CDH12: variants seen among roughly 807,000 people sequenced by gnomAD.
CDH12 encodes the protein cadherin-12.
In CDH12, 41 loss-of-function variants were observed where a neutral mutation model predicts 74.1. The observed-to-expected ratio is 0.55, with a 90% CI of 0.43 to 0.72. CDH12 has a LOEUF of 0.72. Ranked by LOEUF, CDH12 falls within the 30% of genes least tolerant of loss-of-function variation. CDH12 has a pLI of 0.00. For missense variants in CDH12, 945 were observed against 977.2 expected, an observed-to-expected ratio of 0.97 and a Z score of 0.44; for synonymous variants, 399 against 355.0, an observed-to-expected ratio of 1.12 and a Z score of -1.39.
intron 1 of CDH12, among the ~76,000 whole-genome samples, chr5:22,530,568 T>C (rs1301916542): frequency 6.6e-6 from 1 of 152,070 alleles, no homozygotes; most frequent in East Asian, 1.9e-4. Flanking sequence ...ATAATAGCTA[T>C]ATTTAATAGT....
chr5:22,319,256 CTAAT>C (rs768930358), intron 3 of CDH12, among the ~76,000 whole-genome samples: 18 of 152,154 alleles, frequency 1.2e-4, no homozygotes, highest in East Asian at 3.9e-4. Flanking sequence ...TGGCGATACT[CTAAT>C]AACAGGAGAG....
At chr5:21,864,923 G>A (rs1751248400) in intron 6 of CDH12, among the ~76,000 whole-genome samples, 1 of 152,102 alleles carries the variant, frequency 6.6e-6, no homozygotes, top group African/African-American at 2.4e-5. Context: ...TTAAGAACAA[G>A]GTATTGGAAA....
At chr5:22,563,702 C>T (rs1739168216) in intron 1 of CDH12, among the ~76,000 whole-genome samples, 1 of 151,700 alleles carries the variant, frequency 6.6e-6, no homozygotes. Context: ...AAAGACATAC[C>T]CAAGACTGGG....
rs569186590 is a variant in CDH12 at position 21,936,945 on chromosome 5, A to T, written c.526+38146T>A. 1.2e-4 allele frequency among the ~76,000 whole-genome samples: 18 copies of T among 152,320 alleles called. No individual in the cohort carries two copies. The South Asian group carries it at 2.5e-3, about 21-fold the overall frequency. On this transcript the variant is annotated intron_variant, in intron 6 of 14. Coordinates refer to ENST00000382254, the MANE Select transcript of CDH12 (RefSeq NM_004061.5). ...TTACTTATAAGTTCAGCCATGTGGA[A>T]CTGTGAGTCAAGTAAGCCTCTTTTG...
chr5:22,405,314 T>A lies in CDH12; in HGVS notation c.-390A>T. 2 of 982,330 alleles carry A rather than the reference T, an allele frequency of 2.0e-6. No homozygotes were observed. Among genetic ancestry groups the A allele is most frequent in the Non-Finnish European group, 2.4e-6 (2 of 827,050 alleles). The allele number at this position is 982,330 out of a possible 1,614,324, so 60.9% of individuals were successfully genotyped here. A position where few individuals can be genotyped will look rare whatever the true frequency, so the allele number is the denominator to read the frequency against. Reference sequence around the variant, plus strand: ...TTATGTATCTCAAATTGTTTTGACCTCCACAGTAACTTGATTCTATAGCAC... The same window carrying A: ...TTATGTATCTCAAATTGTTTTGACCACCACAGTAACTTGATTCTATAGCAC... On this transcript the variant is annotated 5_prime_UTR_variant, in exon 3 of 15. Transcript: ENST00000382254.
At chr5:22,455,762 T>C (rs1745239199) in intron 2 of CDH12, among the ~76,000 whole-genome samples, 1 of 152,152 alleles carries the variant, frequency 6.6e-6, no homozygotes, top group South Asian at 2.1e-4. Flanking sequence ...ATTTCATTTT[T>C]GGTAGTTTGT....
intron 10 of CDH12, among the ~76,000 whole-genome samples, chr5:21,785,816 G>T (rs900039034): frequency 1.3e-4 from 20 of 152,156 alleles, no homozygotes; most frequent in Non-Finnish European, 2.8e-4. Context: ...AGAATCTGCA[G>T]CAAGTTATCA....
intron 1 of CDH12, among the ~76,000 whole-genome samples, chr5:22,607,036 A>C (rs1267330623): frequency 1.3e-5 from 2 of 152,154 alleles, no homozygotes; most frequent in East Asian, 3.9e-4. Flanking sequence ...TACCCTAAAG[A>C]TCTGTGGAAC....
chr5:22,047,937 C>T (rs1740076369), intron 5 of CDH12, among the ~76,000 whole-genome samples: 2 of 152,172 alleles, frequency 1.3e-5, no homozygotes, highest in Admixed American at 1.3e-4. Flanking sequence ...ATCATGGATA[C>T]TTCTTTTTCA....
chr5:22,047,133 A>G (rs1012530249), intron 5 of CDH12, among the ~76,000 whole-genome samples: 1 of 152,128 alleles, frequency 6.6e-6, no homozygotes, highest in Non-Finnish European at 1.5e-5. Context: ...TTCAGAGGTT[A>G]TCCTTGTCTA....
intron 1 of CDH12, among the ~76,000 whole-genome samples, chr5:22,622,602 C>T (rs926728041): frequency 6.6e-6 from 1 of 152,164 alleles, no homozygotes; most frequent in Non-Finnish European, 1.5e-5. Flanking sequence ...GACACATACA[C>T]CCTCCCAAGA....
intron 4 of CDH12, chr5:22,152,329 G>C (rs1747650409): frequency 6.6e-6 from 1 of 152,084 alleles, no homozygotes; most frequent in African/African-American, 2.4e-5. Flanking sequence ...CTGAACATTA[G>C]ACATAATTAA....
intron 2 of CDH12, among the ~76,000 whole-genome samples, chr5:22,425,481 A>G (rs962336389): frequency 1.3e-5 from 2 of 151,756 alleles, no homozygotes; most frequent in African/African-American, 4.8e-5. Context: ...GTGTGCTAAA[A>G]ATAGTTTGAA....
intron 4 of CDH12, among the ~76,000 whole-genome samples, chr5:22,209,187 G>C (rs142506582): frequency 0.043 from 6,475 of 152,118 alleles, 208 homozygotes; most frequent in Non-Finnish European, 0.062. Context: ...AATTTTCCAG[G>C]TCACCTCTAA....
intron 4 of CDH12, among the ~76,000 whole-genome samples, chr5:22,084,160 C>T (rs1038520147): frequency 6.6e-6 from 1 of 152,022 alleles, no homozygotes; most frequent in Non-Finnish European, 1.5e-5. Flanking sequence ...AAACAGGTCA[C>T]CAGGTTGAGT....
chr5:22,711,734 AAT>A (rs1743298467), intron 1 of CDH12, among the ~76,000 whole-genome samples: 1 of 152,086 alleles, frequency 6.6e-6, no homozygotes, highest in African/African-American at 2.4e-5. Context: ...TTTAGGGAAA[AAT>A]AAAACATGTT....
At chr5:21,832,441 G>C (rs2149968867) in intron 8 of CDH12, among the ~76,000 whole-genome samples, 1 of 152,076 alleles carries the variant, frequency 6.6e-6, no homozygotes, top group African/African-American at 2.4e-5. Flanking sequence ...CTGGAGCACA[G>C]TGTTTTTCAC....
At chr5:22,290,981 G>C (rs1336244871) in intron 3 of CDH12, among the ~76,000 whole-genome samples, 1 of 152,108 alleles carries the variant, frequency 6.6e-6, no homozygotes, top group East Asian at 1.9e-4. Context: ...TTGAAGAGGA[G>C]AGAACAAATT....
At chr5:22,367,129 T>A (rs6870055) in intron 3 of CDH12, among the ~76,000 whole-genome samples, 40,887 of 152,104 alleles carry the variant, frequency 0.27, 5,591 homozygotes, top group East Asian at 0.35. Context: ...GTGTTTTTTT[T>A]AATTCTCTTT....
Sources: gnomAD v4.1 joint callset for allele counts (sites outside exome capture counted in the v4.1 genomes callset) on GRCh38, gnomAD v4.1.1 for gene constraint, MANE v1.5 for transcripts, NCBI Gene and HGNC (gene_info 2026-07-23, HGNC 2026-07-21) for gene names.